SCN1A: variants seen among roughly 807,000 people sequenced by gnomAD.
SCN1A encodes sodium voltage-gated channel alpha subunit 1.
Under a neutral mutation model 193.7 loss-of-function variants are expected in SCN1A, and 13 were observed. The observed-to-expected ratio is 0.07, with a 90% CI of 0.04 to 0.11. The LOEUF (loss-of-function observed/expected upper bound fraction) is 0.11, where lower values mean the gene tolerates loss of function less well. Among genes scored for constraint, SCN1A ranks in the 10% least tolerant of loss-of-function variants. The pLI, the probability that SCN1A is intolerant of heterozygous loss-of-function variation, is 1.00. For synonymous variants in SCN1A, 781 were observed against 843.6 expected, an observed-to-expected ratio of 0.93 and a Z score of 1.29; for missense variants, 1,432 against 2,451.1, an observed-to-expected ratio of 0.58 and a Z score of 8.78.
intron 10 of SCN1A, 68 bp from the exon 11 acceptor site, chr2:166,047,836 G>C: frequency 1.3e-6 from 2 of 1,597,250 alleles, no homozygotes; most frequent in Non-Finnish European, 1.7e-6. Flanking sequence ...ACTATGCTAT[G>C]ATATTGCCTA....
chr2:166,098,264 A>G (rs964093679), intron 2 of SCN1A, among the ~76,000 whole-genome samples: 1 of 152,194 alleles, frequency 6.6e-6, no homozygotes, highest in African/African-American at 2.4e-5. Flanking sequence ...ACTAAAAACA[A>G]AAAACCACAT....
At chr2:166,086,487 CTCTCA>C (rs1686134907) in intron 2 of SCN1A, among the ~76,000 whole-genome samples, 1 of 152,108 alleles carries the variant, frequency 6.6e-6, no homozygotes, top group African/African-American at 2.4e-5. Flanking sequence ...CATGCTTCTC[CTCTCA>C]TAAATATTCA....
At chr2:166,107,231 C>T (rs575536979) in intron 2 of SCN1A, among the ~76,000 whole-genome samples, 20 of 152,252 alleles carry the variant, frequency 1.3e-4, no homozygotes, top group Non-Finnish European at 2.4e-4. Context: ...TGTTACTTGA[C>T]GACTGACTTC....
chr2:166,101,869 A>G (rs965865812), intron 2 of SCN1A, among the ~76,000 whole-genome samples: 4 of 152,348 alleles, frequency 2.6e-5, no homozygotes, highest in South Asian at 2.1e-4. Context: ...AAAATAGACA[A>G]GTGGGACCTA....
At chr2:166,015,904 C>T (rs768046260) in intron 19 of SCN1A, 177 bp from the exon 20 acceptor site, 3 of 657,680 alleles carry the variant, frequency 4.6e-6, no homozygotes, top group Admixed American at 2.8e-5. Context: ...CTGTGCTAAC[C>T]CTTTTACCAT....
At chr2:166,142,572 C>T (rs1409386297) in intron 1 of SCN1A, among the ~76,000 whole-genome samples, 1 of 152,180 alleles carries the variant, frequency 6.6e-6, no homozygotes, top group African/African-American at 2.4e-5. Flanking sequence ...TCCCTTCTCC[C>T]AGCATGAGGT....
At chr2:166,045,454 G>T in intron 12 of SCN1A, 127 bp from the exon 13 acceptor site, 1 of 1,101,274 alleles carries the variant, frequency 9.1e-7, no homozygotes, top group Non-Finnish European at 1.3e-6. Flanking sequence ...TCACAGAGAA[G>T]ATTCTCTGCA....
chr2:166,025,336 C>A (rs1032297065), intron 19 of SCN1A, among the ~76,000 whole-genome samples: 2 of 152,288 alleles, frequency 1.3e-5, no homozygotes, highest in East Asian at 3.9e-4. Context: ...GGCCCAGAAC[C>A]ACTCTCAGCA....
intron 2 of SCN1A, among the ~76,000 whole-genome samples, chr2:166,118,831 C>T (rs1046068755): frequency 3.9e-5 from 6 of 152,190 alleles, no homozygotes; most frequent in African/African-American, 1.4e-4. Context: ...TCCGGTTTCT[C>T]ATCTTTATTG....
intron 23 of SCN1A, chr2:166,009,212 C>CAAA: frequency 6.6e-6 from 1 of 151,168 alleles, no homozygotes; most frequent in Non-Finnish European, 1.5e-5. Context: ...ACCATCTAAT[C>CAAA]TTGAATATAT....
At chr2:166,057,243 A>C (rs1433133373) in intron 5 of SCN1A, among the ~76,000 whole-genome samples, 1 of 152,068 alleles carries the variant, frequency 6.6e-6, no homozygotes, top group Non-Finnish European at 1.5e-5. Flanking sequence ...CCATTTCTAC[A>C]TGCAGATTAA....
chr2:166,074,516 C>T (rs190144018), intron 3 of SCN1A, among the ~76,000 whole-genome samples: 2 of 152,258 alleles, frequency 1.3e-5, no homozygotes, highest in East Asian at 3.9e-4. Context: ...CTTGCTGATT[C>T]TATAGTCCTA....
At chr2:166,089,436 A>T (rs1316114714) in intron 2 of SCN1A, among the ~76,000 whole-genome samples, 3 of 152,178 alleles carry the variant, frequency 2.0e-5, no homozygotes, top group Non-Finnish European at 2.9e-5. Flanking sequence ...CTTTTAAAAG[A>T]CAAGTATCTC....
In SCN1A at chr2:166,137,916, A is replaced by T. The variant is rs1691927052; in HGVS notation, c.-50+11131T>A. 1.3e-5 allele frequency among the ~76,000 whole-genome samples: 2 copies of T among 152,186 alleles called. 1 individual carries two copies. Among genetic ancestry groups the T allele is most frequent in the South Asian group, 4.1e-4 (2 of 4,830 alleles). Reference sequence around the variant, plus strand: ...ATGCTGATAATGATATGAACAACGAAATCCAGGCTGAGGTGATCTCAGATG... The same window carrying T: ...ATGCTGATAATGATATGAACAACGATATCCAGGCTGAGGTGATCTCAGATG... On this transcript the variant is annotated intron_variant, in intron 1 of 26. Coordinates refer to the SCN1A transcript ENST00000635750.
chr2:166,125,444 G>T (rs2106268010), intron 2 of SCN1A, among the ~76,000 whole-genome samples: 1 of 152,302 alleles, frequency 6.6e-6, no homozygotes, highest in East Asian at 1.9e-4. Context: ...TCACTGTCAG[G>T]CTCACACCGA....
At chr2:166,010,948 A>G (rs1486090896) in intron 22 of SCN1A, among the ~76,000 whole-genome samples, 1 of 151,212 alleles carries the variant, frequency 6.6e-6, no homozygotes, top group Non-Finnish European at 1.5e-5. Context: ...AATAAACATA[A>G]TAGAAAAAAA....
At chr2:166,009,481 A>G in intron 23 of SCN1A, 2 of 296,404 alleles carry the variant, frequency 6.7e-6, no homozygotes, top group South Asian at 9.9e-5. Context: ...CCCAAGATGG[A>G]TTAGGAAATA....
intron 15 of SCN1A, 116 bp from the exon 16 acceptor site, chr2:166,041,585 A>T: frequency 1.3e-6 from 1 of 768,746 alleles, no homozygotes; most frequent in Non-Finnish European, 2.2e-6. Context: ...TTACAGAGAC[A>T]ACCTTTTTTG....
intron 19 of SCN1A, 82 bp from the exon 20 acceptor site, chr2:166,015,809 ATTTG>A: frequency 6.6e-7 from 1 of 1,510,092 alleles, no homozygotes; most frequent in Non-Finnish European, 9.2e-7. Context: ...ATTACTATGA[ATTTG>A]TTTTTTATTC....
Sources: allele counts gnomAD v4.1 joint callset (sites outside exome capture counted in the v4.1 genomes callset), GRCh38; gene constraint gnomAD v4.1.1; transcripts MANE v1.5; gene names NCBI Gene and HGNC (gene_info 2026-07-23, HGNC 2026-07-21).